Variants in SLC35D1 observed in about 807,000 individuals in gnomAD.
The protein encoded by SLC35D1 is nucleotide sugar transporter SLC35D1.
Under a neutral mutation model 46.7 loss-of-function variants are expected in SLC35D1, and 31 were observed. That is an observed-to-expected ratio of 0.66 (90% CI 0.50 to 0.90). The LOEUF is 0.90. Ranked by LOEUF, SLC35D1 falls within the 40% of genes least tolerant of loss-of-function variation. The probability of loss-of-function intolerance (pLI) is 0.00; values close to 1 mark genes in which losing one functional copy is unlikely to be tolerated. For missense variants in SLC35D1, 397 were observed against 426.2 expected (o/e 0.93, Z 0.60); for synonymous variants, 195 against 164.6 (o/e 1.18, Z -1.41).
chr1:66,977,086 A>G, the SLC35D1 span, among the ~76,000 whole-genome samples: 1 of 152,030 alleles, frequency 6.6e-6, no homozygotes, highest in African/African-American at 2.4e-5. Flanking sequence ...AGTTCCATTC[A>G]GTATAAGCAC....
the SLC35D1 span, chr1:66,984,523 ATTTAACTTT>A: frequency 7.2e-7 from 1 of 1,391,138 alleles, no homozygotes; most frequent in Admixed American, 2.3e-5. Context: ...TAGTTTGCAA[ATTTAACTTT>A]TTTCTAATTG....
intron 10 of SLC35D1, among the ~76,000 whole-genome samples, chr1:67,019,784 A>T (rs910361045): frequency 6.6e-6 from 1 of 152,242 alleles, no homozygotes; most frequent in African/African-American, 2.4e-5. Context: ...CAGATGAAAG[A>T]GGCCTCAGGC....
In SLC35D1 at chr1:67,047,326, A is replaced by C. The variant is rs1335018159; in HGVS notation, c.575T>G (p.Leu192Arg). The change falls in exon 7 of 12, where the codon CTG (leucine) becomes CGG (arginine). Residue 192 changes from leucine (L) to arginine (R), a missense_variant. By Grantham distance (102) the Leu-to-Arg change is moderately radical. Transcript: ENST00000235345. ...TGCTGCTGTTAGGACATCGTTTATC[A>C]GAATAAAAGCATATCCTTCCAGATC... ...AFDLEGYAFI[L>R]INDVLTAANG... The C allele has an allele frequency of 1.2e-6, 2 of 1,613,374 alleles. No individual in the cohort carries two copies. Among genetic ancestry groups the C allele is most frequent in the African/African-American group, 2.7e-5 (2 of 74,940 alleles).
the SLC35D1 span, among the ~76,000 whole-genome samples, chr1:66,980,267 A>G: frequency 2.0e-5 from 3 of 152,352 alleles, no homozygotes; most frequent in Admixed American, 2.0e-4. Flanking sequence ...GAAGTCTTCA[A>G]GACCATCTAA....
intron 8 of SLC35D1, among the ~76,000 whole-genome samples, chr1:67,038,828 T>C (rs535610305): frequency 2.6e-5 from 3 of 117,424 alleles, no homozygotes; most frequent in Admixed American, 2.5e-4. Context: ...AAACTTTAAA[T>C]ATGTATACAC....
Position 67,004,407 on chromosome 1 carries a change from T to A in SLC35D1, c.1001A>T (p.Glu334Val). The A allele has an allele frequency of 6.2e-7, 1 of 1,614,096 alleles. No individual in the cohort carries two copies. The highest frequency in any genetic ancestry group is 1.7e-5 in the Admixed American group (1 of 60,026). ...CTCTGACTGTTTGCTCAGCTGCTCT[T>A]CAGTGAAAGTGATATAGGAATATAC... is the stretch of plus-strand genomic sequence containing the variant. ...SLVYSYITFT[E>V]EQLSKQSEAN... Residue 334 changes from glutamate (E) to valine (V), a missense_variant, in exon 12 of 12, where the codon GAA becomes GTA. Coordinates refer to ENST00000235345, the MANE Select transcript of SLC35D1 (RefSeq NM_015139.3).
intron 8 of SLC35D1, among the ~76,000 whole-genome samples, chr1:67,035,986 T>C (rs563251889): frequency 1.3e-5 from 2 of 152,098 alleles, no homozygotes; most frequent in East Asian, 3.9e-4. Flanking sequence ...TTAATTTCCA[T>C]GTATTCAAAA....
In SLC35D1 at chr1:67,004,358, C is replaced by T. The variant is rs1245329226; in HGVS notation, c.1050G>A (p.Lys350=). 2 of 1,614,088 alleles carry T rather than the reference C, an allele frequency of 1.2e-6. No homozygotes were observed. Among genetic ancestry groups the T allele is most frequent in the Admixed American group, 3.3e-5 (2 of 60,028 alleles). The stretch of plus-strand genomic sequence containing the variant: ...CCTCTGGTCACACTGCTCCTTTCCC[C>T]TTAATGTCCAGCTTGTTATTAGCCT... ...QSEANNKLDI[K]GKGAV is the part of the protein sequence containing the mutation. Residue 350 remains lysine, a synonymous_variant, in exon 12 of 12, where the codon AAG becomes AAA. Transcript: ENST00000235345.
At position 67,050,489 on chromosome 1, in the gene SLC35D1, T is replaced by G; in HGVS notation, c.408A>C (p.Thr136=). The change falls in exon 5 of 12, where the codon ACA becomes ACC. Residue 136 remains threonine, a synonymous_variant. Coordinates refer to ENST00000235345, the MANE Select transcript of SLC35D1 (RefSeq NM_015139.3). ...ACAGGATGGAGAACCTTCTCAGAAC[T>G]GTAAACATTGGCAAGCTGGAAAAAA... is the stretch of plus-strand genomic sequence containing the variant. ...STKKLNLPMF[T]VLRRFSILFT... 6.2e-7 allele frequency: 1 copy of G among 1,610,898 alleles called. No individual in the cohort carries two copies. The highest frequency in any genetic ancestry group is 8.5e-7 in the Non-Finnish European group (1 of 1,179,420).
At chr1:67,051,309 G>A (rs1165061761) in intron 4 of SLC35D1, among the ~76,000 whole-genome samples, 1 of 152,160 alleles carries the variant, frequency 6.6e-6, no homozygotes, top group Non-Finnish European at 1.5e-5. Context: ...CAATGCCAGG[G>A]TTTTAGCTTG....
At chr1:66,997,688 T>A (rs1478171378), downstream of SLC35D1, among the ~76,000 whole-genome samples, 2 of 76,682 alleles carry the variant, frequency 2.6e-5, no homozygotes, top group African/African-American at 2.2e-4. Flanking sequence ...ATCAAAAATA[T>A]ATTCAAGATC....
Position 67,021,536 on chromosome 1 carries a change from C to T in SLC35D1, c.796G>A (p.Gly266Arg), listed in dbSNP as rs1667797999. The T allele has an allele frequency of 6.2e-7, 1 of 1,613,960 alleles. No individual in the cohort carries two copies. The highest frequency in any genetic ancestry group is 8.5e-7 in the Non-Finnish European group (1 of 1,179,876). The change falls in exon 9 of 12, where the codon GGG (glycine) becomes AGG (arginine). Residue 266 changes from glycine to arginine, a missense_variant and splice_region_variant. By Grantham distance (125) the Gly-to-Arg change is moderately radical. Transcript: ENST00000235345. ...LLQFTLSCVM[G>R]FILMYATVLC... ...GCTAACAAGGTAACAAAGGCTTACCCCATCACACAGGAGAGGGTGAACTGC... is the reference window on the plus strand; with the variant it reads ...GCTAACAAGGTAACAAAGGCTTACCTCATCACACAGGAGAGGGTGAACTGC...
At chr1:66,980,016 G>A in the SLC35D1 span, among the ~76,000 whole-genome samples, 4 of 151,538 alleles carry the variant, frequency 2.6e-5, no homozygotes, top group Admixed American at 6.6e-5. Context: ...CACCTGCCTC[G>A]GCCTCCCAAA....
rs763758288 is a variant in SLC35D1 at position 67,004,300 on chromosome 1, A to G, written c.*40T>C. On this transcript the variant is annotated 3_prime_UTR_variant, in exon 12 of 12. Coordinates refer to ENST00000235345, the MANE Select transcript of SLC35D1 (RefSeq NM_015139.3). ...GAACTGCCAGTGTTCTGAGTTGATT[A>G]AAAACTTAGGCCTACGTATCAGATG... is the stretch of plus-strand genomic sequence containing the variant. 6.4e-7 allele frequency: 1 copy of G among 1,566,336 alleles called. No homozygotes were observed. Among genetic ancestry groups the G allele is most frequent in the South Asian group, 1.1e-5 (1 of 90,130 alleles).
At chr1:66,986,749 T>C in the SLC35D1 span, 1 of 295,694 alleles carries the variant, frequency 3.4e-6, no homozygotes, top group African/African-American at 2.2e-5. Flanking sequence ...AAGTATGAGT[T>C]TTTTGTTGTT....
rs768366496 is a variant in SLC35D1 at position 67,054,060 on chromosome 1, G to C, written c.-47C>G. The stretch of plus-strand genomic sequence containing the variant: ...CTGGCGGCGGGGCCTAGCGGCTCGG[G>C]GGCCTGCAGCGGCAGCTCCCAGGGG... On this transcript the variant is annotated 5_prime_UTR_variant, in exon 1 of 12. Coordinates refer to ENST00000235345, the MANE Select transcript of SLC35D1 (RefSeq NM_015139.3). 6.3e-7 allele frequency: 1 copy of C among 1,593,422 alleles called. No individual in the cohort carries two copies.
At chr1:67,051,950 T>A in intron 4 of SLC35D1, 62 bp downstream of exon 4, 1 of 1,153,332 alleles carries the variant, frequency 8.7e-7, no homozygotes, top group Non-Finnish European at 1.3e-6. Context: ...ATATTTGACA[T>A]TCAAGTACAA....
rs1250070659 is a variant in SLC35D1 at position 67,054,145 on chromosome 1, G to A, written c.-132C>T. 3 of 846,646 alleles carry A rather than the reference G, an allele frequency of 3.5e-6. No homozygotes were observed. The highest frequency in any genetic ancestry group is 1.7e-5 in the African/African-American group (1 of 57,258). The allele number at this position is 846,646 out of a possible 1,614,324, so 52.4% of individuals were successfully genotyped here. ...TGCGCGCTCGCCGCCTCGACTCCCC[G>A]CTTGGCCGCCGCCTGTCCCCGCCCA... On this transcript the variant is annotated 5_prime_UTR_variant, in exon 1 of 12. Coordinates refer to ENST00000235345, the MANE Select transcript of SLC35D1 (RefSeq NM_015139.3).
the SLC35D1 span, among the ~76,000 whole-genome samples, chr1:66,989,639 A>T: frequency 6.6e-6 from 1 of 151,792 alleles, no homozygotes; most frequent in Non-Finnish European, 1.5e-5. Flanking sequence ...AATTTTTTTT[A>T]TTATTTGTAG....
Sources: allele counts gnomAD v4.1 joint callset (sites outside exome capture counted in the v4.1 genomes callset), GRCh38; gene constraint gnomAD v4.1.1; transcripts MANE v1.5; gene names NCBI Gene and HGNC (gene_info 2026-07-23, HGNC 2026-07-21).